The following PRKG1 variants were observed in gnomAD, a reference collection of about 807,000 sequenced individuals.
The protein encoded by PRKG1 is cGMP-dependent protein kinase 1.
A neutral mutation model predicts 88.1 loss-of-function variants in PRKG1; 35 were observed. That is an observed-to-expected ratio of 0.40 (90% CI 0.30 to 0.53). The LOEUF is 0.53. PRKG1 is among the 20% of genes least tolerant of loss of function. The pLI, the probability that PRKG1 is intolerant of heterozygous loss-of-function variation, is 0.59. For synonymous variants in PRKG1, 303 were observed against 292.5 expected (o/e 1.04, Z -0.37); for missense variants, 540 against 839.8 (o/e 0.64, Z 4.41).
chr10:51,487,890 G>C (rs1414553267), intron 3 of PRKG1, among the ~76,000 whole-genome samples: 1 of 152,160 alleles, frequency 6.6e-6, no homozygotes, highest in African/African-American at 2.4e-5. Context: ...GGAGACTGTA[G>C]AGAGATGATG....
intron 4 of PRKG1, among the ~76,000 whole-genome samples, chr10:51,875,116 T>C (rs981658289): frequency 2.0e-5 from 3 of 152,258 alleles, no homozygotes; most frequent in African/African-American, 7.2e-5. Flanking sequence ...AAAGTAGTAG[T>C]ACCTTTTTCC....
intron 2 of PRKG1, among the ~76,000 whole-genome samples, chr10:51,350,824 GC>G (rs1268973568): frequency 3.3e-5 from 5 of 152,100 alleles, no homozygotes; most frequent in Non-Finnish European, 7.4e-5. Context: ...GTGCAGGTTT[GC>G]TGCACAGGTA....
At chr10:52,054,650 C>CCTG in intron 6 of PRKG1, 89 bp downstream of exon 6, 3 of 1,108,210 alleles carry the variant, frequency 2.7e-6, no homozygotes, top group Non-Finnish European at 2.7e-6. Flanking sequence ...GAGTCTTGTG[C>CCTG]TATATGAGTT....
chr10:51,673,089 G>A (rs145768057), intron 3 of PRKG1, among the ~76,000 whole-genome samples: 57 of 152,204 alleles, frequency 3.7e-4, no homozygotes, highest in African/African-American at 1.4e-3. Flanking sequence ...GTCAGTCCAT[G>A]TTTACTACTC....
rs1294258303 is a variant in PRKG1 at position 51,628,156 on chromosome 10, CTTTCTTTA to C, written c.592+160324_592+160331del. Reference sequence around the variant, plus strand: ...TCTTTCTTTCTTTCTTTCTTTCTTTCTTTCTTTATTTATTTCTTTTCTTTCTTTTCTTT... The same window carrying C: ...TCTTTCTTTCTTTCTTTCTTTCTTTCTTTATTTCTTTTCTTTCTTTTCTTT... On this transcript the variant is annotated intron_variant, in intron 3 of 17. Coordinates refer to ENST00000373980, the MANE Select transcript of PRKG1 (RefSeq NM_006258.4). Among the ~76,000 whole-genome samples, 138 of 59,648 alleles carry C rather than the reference CTTTCTTTA, an allele frequency of 2.3e-3. 1 individual carries two copies. The highest frequency in any genetic ancestry group is 7.4e-3 in the African/African-American group (125 of 16,782). 39.1% of individuals were successfully genotyped at this position (59,648 alleles called of 152,430 possible).
chr10:51,870,666 T>G (rs916358435), intron 4 of PRKG1, among the ~76,000 whole-genome samples: 1 of 152,170 alleles, frequency 6.6e-6, no homozygotes, highest in African/African-American at 2.4e-5. Flanking sequence ...CAGATTCATT[T>G]TAATGAAGAA....
At chr10:51,980,557 T>C (rs994201191) in intron 5 of PRKG1, among the ~76,000 whole-genome samples, 2 of 152,180 alleles carry the variant, frequency 1.3e-5, no homozygotes, top group Non-Finnish European at 2.9e-5. Flanking sequence ...GCCTTGATGA[T>C]CTGTCTAATA....
intron 3 of PRKG1, among the ~76,000 whole-genome samples, chr10:51,770,881 T>A (rs925547874): frequency 8.5e-5 from 13 of 152,218 alleles, no homozygotes; most frequent in Non-Finnish European, 1.6e-4. Context: ...ACTAGAGTCA[T>A]GTATTGCTTA....
At chr10:51,488,536 A>G (rs1170744659) in intron 3 of PRKG1, among the ~76,000 whole-genome samples, 2 of 152,166 alleles carry the variant, frequency 1.3e-5, no homozygotes, top group East Asian at 3.9e-4. Context: ...GCTCCGTAGT[A>G]GACTTTGACA....
At chr10:52,046,536 T>C (rs1845867707) in intron 5 of PRKG1, among the ~76,000 whole-genome samples, 1 of 152,142 alleles carries the variant, frequency 6.6e-6, no homozygotes. Flanking sequence ...ACAGACACTG[T>C]GTTTTGTTAT....
At chr10:51,971,814 T>C (rs777703694) in intron 5 of PRKG1, among the ~76,000 whole-genome samples, 3 of 152,134 alleles carry the variant, frequency 2.0e-5, no homozygotes, top group Non-Finnish European at 4.4e-5. Context: ...GCTGATTGAG[T>C]GTTCAGCCTT....
intron 7 of PRKG1, among the ~76,000 whole-genome samples, chr10:52,102,771 T>A (rs185282462): frequency 4.6e-5 from 7 of 151,974 alleles, no homozygotes; most frequent in Admixed American, 4.6e-4. Flanking sequence ...AGAAAACAAA[T>A]TGACATTAGA....
At position 51,045,124 on chromosome 10, in the gene PRKG1, C is replaced by T. The variant is rs528200987; in HGVS notation, c.266+53480C>T. Reference sequence around the variant, plus strand: ...CATTTACTTTTACTTACTTTTATTGCTTGGTGAAATAAATAGTAAAATTAA... The same window carrying T: ...CATTTACTTTTACTTACTTTTATTGTTTGGTGAAATAAATAGTAAAATTAA... On this transcript the variant is annotated intron_variant, in intron 1 of 17. Transcript: ENST00000401604. 3.0e-4 allele frequency among the ~76,000 whole-genome samples: 46 copies of T among 152,100 alleles called. No homozygotes were observed. In the South Asian group the frequency reaches 9.6e-3, roughly 32 times the overall value.
intron 1 of PRKG1, among the ~76,000 whole-genome samples, chr10:51,150,829 G>T (rs1410534656): frequency 6.6e-6 from 1 of 152,036 alleles, no homozygotes; most frequent in East Asian, 1.9e-4. Flanking sequence ...CTAAGGAATT[G>T]TGTTAGGGCT....
In PRKG1 at chr10:51,052,493, C is replaced by T. The variant is rs192198069; in HGVS notation, c.266+60849C>T. On this transcript the variant is annotated intron_variant, in intron 1 of 17. Coordinates refer to the PRKG1 transcript ENST00000401604. The stretch of plus-strand genomic sequence containing the variant: ...TCAGAAGCTTTAAGAAGAAAGTTGC[C>T]CAAATAAAATACTGACTGTGGAAAA... Among the ~76,000 whole-genome samples the T allele has an allele frequency of 2.6e-3, 389 of 152,096 alleles. 1 individual carries two copies. The highest frequency in any genetic ancestry group is 8.8e-3 in the African/African-American group (364 of 41,482).
chr10:51,314,768 G>C (rs756149361), intron 2 of PRKG1, among the ~76,000 whole-genome samples: 5 of 152,168 alleles, frequency 3.3e-5, no homozygotes, highest in Non-Finnish European at 7.4e-5. Context: ...CTTTTCTTAT[G>C]AGGACTGAAT....
chr10:52,015,662 C>T (rs977625727), intron 5 of PRKG1, among the ~76,000 whole-genome samples: 4 of 152,156 alleles, frequency 2.6e-5, no homozygotes, highest in African/African-American at 9.7e-5. Flanking sequence ...TTTTTCAAAC[C>T]TTTATGCTTT....
intron 2 of PRKG1, among the ~76,000 whole-genome samples, chr10:51,159,592 A>C (rs1846310619): frequency 6.6e-6 from 1 of 152,258 alleles, no homozygotes; most frequent in East Asian, 1.9e-4. Context: ...GTGAATATTA[A>C]AATATGTTTT....
intron 4 of PRKG1, among the ~76,000 whole-genome samples, chr10:51,824,736 G>A (rs1434645241): frequency 6.6e-6 from 1 of 152,054 alleles, no homozygotes; most frequent in Non-Finnish European, 1.5e-5. Context: ...GGCAGCAAGA[G>A]AGAGAGGAGG....
Sources: allele counts gnomAD v4.1 joint callset (sites outside exome capture counted in the v4.1 genomes callset), GRCh38; gene constraint gnomAD v4.1.1; transcripts MANE v1.5; gene names NCBI Gene and HGNC (gene_info 2026-07-23, HGNC 2026-07-21).